Variants in OR51G2 observed in about 807,000 individuals in gnomAD.
OR51G2 encodes olfactory receptor family 51 subfamily G member 2.
In OR51G2, 13 loss-of-function variants were observed where a neutral mutation model predicts 11.8. The observed-to-expected ratio is 1.10, with a 90% CI of 0.72 to 1.76. OR51G2 has a LOEUF of 1.76. Among genes scored for constraint, OR51G2 ranks in the 40% most tolerant of loss-of-function variants. The pLI is 0.00. For missense variants in OR51G2, 474 were observed against 394.4 expected (o/e 1.20, Z -1.71); for synonymous variants, 178 against 151.9 (o/e 1.17, Z -1.26).
chr11:4,912,977 A>C lies in OR51G2; in HGVS notation c.*1742T>G, dbSNP rs1851014831. ...AAAAAAAACAAGCTGTAACTATTCA[A>C]ATTACTATAACTCACAAGTCAGCCT... On this transcript the variant is annotated 3_prime_UTR_variant, in exon 2 of 2. Transcript: ENST00000641926. 1 of 152,204 alleles carries C rather than the reference A, an allele frequency of 6.6e-6. No individual in the cohort carries two copies. The highest frequency in any genetic ancestry group is 2.1e-4 in the South Asian group (1 of 4,832). 9.4% of individuals were successfully genotyped at this position (152,204 alleles called of 1,614,324 possible).
chr11:4,914,481 G>A lies in OR51G2; in HGVS notation c.*238C>T. On this transcript the variant is annotated 3_prime_UTR_variant, in exon 2 of 2. Transcript: ENST00000641926. ...TAGCAAGTTCCTGGAAGAGCATGTG[G>A]GTTTAGAATTATTGCTGTGGCTATT... 2.1e-6 allele frequency: 1 copy of A among 474,500 alleles called. No individual in the cohort carries two copies. Among genetic ancestry groups the A allele is most frequent in the Non-Finnish European group, 3.8e-6 (1 of 265,742 alleles). The allele number at this position is 474,500 out of a possible 1,614,324, so 29.4% of individuals were successfully genotyped here. A position where few individuals can be genotyped will look rare whatever the true frequency, so the allele number is the denominator to read the frequency against.
At position 4,912,616 on chromosome 11, in the gene OR51G2, A is replaced by G. The variant is rs1231725206; in HGVS notation, c.*2103T>C. Reference sequence around the variant, plus strand: ...TTTTGCATGTTAATACACACAATTCACATATACACATTGTAAAAATAAGAA... The same window carrying G: ...TTTTGCATGTTAATACACACAATTCGCATATACACATTGTAAAAATAAGAA... On this transcript the variant is annotated 3_prime_UTR_variant, in exon 2 of 2. Transcript: ENST00000641926. The G allele has an allele frequency of 6.6e-6, 1 of 152,200 alleles. No individual in the cohort carries two copies. The allele number at this position is 152,200 out of a possible 1,614,324, so 9.4% of individuals were successfully genotyped here.
chr11:4,914,320 T>G lies in OR51G2; in HGVS notation c.*399A>C. 6.1e-6 allele frequency: 1 copy of G among 165,136 alleles called. No individual in the cohort carries two copies. The highest frequency in any genetic ancestry group is 1.3e-5 in the Non-Finnish European group (1 of 75,886). The allele number at this position is 165,136 out of a possible 1,614,324, so 10.2% of individuals were successfully genotyped here. On this transcript the variant is annotated 3_prime_UTR_variant, in exon 2 of 2. Transcript: ENST00000641926. ...CGTTGAGTGAAACAGACAGAAACAG[T>G]GGTGGAATGGAGGTGGAAGAGAGAG...
intron 1 of OR51G2, among the ~76,000 whole-genome samples, chr11:4,917,990 G>A (rs568143618): frequency 6.6e-6 from 1 of 150,664 alleles, no homozygotes; most frequent in Non-Finnish European, 1.5e-5. Flanking sequence ...AAATGAAATA[G>A]GATGGTGAAG....
Position 4,913,122 on chromosome 11 carries a change from T to C in OR51G2, c.*1597A>G, listed in dbSNP as rs1458500834. On this transcript the variant is annotated 3_prime_UTR_variant, in exon 2 of 2. Transcript: ENST00000641926. ...TCCTTCGGGGTCTGTGTTACTCAAA[T>C]GGTCATTCTCAACTTTGTGGCTAAA... The C allele has an allele frequency of 6.6e-6, 1 of 152,226 alleles. No homozygotes were observed. The highest frequency in any genetic ancestry group is 2.4e-5 in the African/African-American group (1 of 41,462). The allele number at this position is 152,226 out of a possible 1,614,324, so 9.4% of individuals were successfully genotyped here. A position where few individuals can be genotyped will look rare whatever the true frequency, so the allele number is the denominator to read the frequency against.
intron 1 of OR51G2, among the ~76,000 whole-genome samples, chr11:4,915,964 T>C (rs938589893): frequency 6.6e-6 from 1 of 152,180 alleles, no homozygotes; most frequent in Non-Finnish European, 1.5e-5. Flanking sequence ...TGCTCTTTTC[T>C]GACTTCTGTA....
chr11:4,915,386 C>G lies in OR51G2; in HGVS notation c.278G>C (p.Gly93Ala), dbSNP rs769587652. 1.9e-6 allele frequency: 3 copies of G among 1,613,884 alleles called. No homozygotes were observed. Among genetic ancestry groups the G allele is most frequent in the African/African-American group, 1.3e-5 (1 of 74,912 alleles). Residue 93 changes from glycine (G) to alanine (A), a missense_variant, in exon 2 of 2, where the codon GGA becomes GCA. Transcript: ENST00000641926. ...LPTVLGIFWVGAREISHDACF... is the reference protein window; with the variant it reads ...LPTVLGIFWVAAREISHDACF... ...GGCATCATGGCTAATTTCTCGTGCT[C>G]CAACCCAAAAGATGCCCAGGACTGT...
intron 1 of OR51G2, among the ~76,000 whole-genome samples, chr11:4,917,503 C>T (rs2133577327): frequency 6.6e-6 from 1 of 152,252 alleles, no homozygotes; most frequent in South Asian, 2.1e-4. Flanking sequence ...ATTGGAGAAA[C>T]ACACATAAAG....
In OR51G2 at chr11:4,913,863, A is replaced by G. The variant is rs1393066734; in HGVS notation, c.*856T>C. 1.3e-5 allele frequency: 2 copies of G among 152,014 alleles called. No homozygotes were observed. Among genetic ancestry groups the G allele is most frequent in the East Asian group, 3.9e-4 (2 of 5,172 alleles). 9.4% of individuals were successfully genotyped at this position (152,014 alleles called of 1,614,324 possible). ...CAGTTTTTGACTGCCTAATGCCTACATTTCCCTTAAGGCTATTACTGTGTC... is the reference window on the plus strand; with the variant it reads ...CAGTTTTTGACTGCCTAATGCCTACGTTTCCCTTAAGGCTATTACTGTGTC... On this transcript the variant is annotated 3_prime_UTR_variant, in exon 2 of 2. Coordinates refer to ENST00000641926, the MANE Select transcript of OR51G2 (RefSeq NM_001005238.2).
intron 1 of OR51G2, among the ~76,000 whole-genome samples, chr11:4,918,316 A>G (rs1851129260): frequency 6.6e-6 from 1 of 152,130 alleles, no homozygotes; most frequent in South Asian, 2.1e-4. Context: ...TGGAGGTTAA[A>G]TTAGAAAGAT....
Position 4,914,927 on chromosome 11 carries a change from C to G in OR51G2, c.737G>C (p.Cys246Ser). ...RAERFKALNT[C>S]VSHICAVLLF... ...CAGCACAGCACAGATGTGGGAAACA[C>G]AGGTGTTAAGGGCCTTGAATCTCTC... The change falls in exon 2 of 2, where the codon TGT (cysteine) becomes TCT (serine). Residue 246 changes from cysteine to serine, a missense_variant. Physicochemically the swap from Cys to Ser is moderately radical, Grantham distance 112 (BLOSUM62 -1). Transcript: ENST00000641926. 6.2e-7 allele frequency: 1 copy of G among 1,614,084 alleles called. No homozygotes were observed. Among genetic ancestry groups the G allele is most frequent in the Non-Finnish European group, 8.5e-7 (1 of 1,179,998 alleles).
chr11:4,915,459 A>C lies in OR51G2; in HGVS notation c.205T>G (p.Ser69Ala). 6.2e-7 allele frequency: 1 copy of C among 1,614,158 alleles called. No homozygotes were observed. The highest frequency in any genetic ancestry group is 8.5e-7 in the Non-Finnish European group (1 of 1,180,018). The part of the protein sequence containing the change: ...SLHEPMYLFL[S>A]MLALIDLGLS... ...CCCAGGTCAATCAGAGCCAGCATGG[A>C]CAGGAAGAGATACATAGGTTCATGA... Residue 69 changes from serine (S) to alanine (A), a missense_variant, in exon 2 of 2, where the codon TCC (serine) becomes GCC (alanine). Physicochemically the swap from Ser to Ala is moderately conservative, Grantham distance 99. Transcript: ENST00000641926.
chr11:4,915,957 T>G (rs1335784759), intron 1 of OR51G2, among the ~76,000 whole-genome samples: 1 of 152,168 alleles, frequency 6.6e-6, no homozygotes, highest in Non-Finnish European at 1.5e-5. Context: ...CCCTTTTTGC[T>G]CTTTTCTGAC....
In OR51G2 at chr11:4,914,716, C is replaced by G. The variant is rs768453682; in HGVS notation, c.*3G>C. The G allele has an allele frequency of 1.9e-6, 3 of 1,599,876 alleles. No individual in the cohort carries two copies. The highest frequency in any genetic ancestry group is 2.7e-5 in the African/African-American group (2 of 74,612). Reference sequence around the variant, plus strand: ...GAGACAGTGGCTCTAACACTAGACACAGTTAGTAACAAAAGGCATGCGTCA... The same window carrying G: ...GAGACAGTGGCTCTAACACTAGACAGAGTTAGTAACAAAAGGCATGCGTCA... On this transcript the variant is annotated 3_prime_UTR_variant, in exon 2 of 2. Coordinates refer to ENST00000641926, the MANE Select transcript of OR51G2 (RefSeq NM_001005238.2).
rs2133573081 is a variant in OR51G2, at chr11:4,914,528, C to T, written c.*191G>A. The T allele has an allele frequency of 3.8e-6, 2 of 522,382 alleles. No homozygotes were observed. Among genetic ancestry groups the T allele is most frequent in the East Asian group, 5.9e-5 (2 of 33,878 alleles). The allele number at this position is 522,382 out of a possible 1,614,324, so 32.4% of individuals were successfully genotyped here. On this transcript the variant is annotated 3_prime_UTR_variant, in exon 2 of 2. Coordinates refer to ENST00000641926, the MANE Select transcript of OR51G2 (RefSeq NM_001005238.2). Reference sequence around the variant, plus strand: ...TATTTTTAGAAAATAAAATTTACCACATCATATTACATTTTACCCCCCCCT... The same window carrying T: ...TATTTTTAGAAAATAAAATTTACCATATCATATTACATTTTACCCCCCCCT...
intron 1 of OR51G2, among the ~76,000 whole-genome samples, chr11:4,916,710 A>G (rs748612298): frequency 6.6e-6 from 1 of 152,184 alleles, no homozygotes; most frequent in Non-Finnish European, 1.5e-5. Flanking sequence ...AGAGTATGTG[A>G]ATGATGACCT....
Position 4,913,870 on chromosome 11 carries a change from T to G in OR51G2, c.*849A>C, listed in dbSNP as rs1851030543. 6.6e-6 allele frequency: 1 copy of G among 152,170 alleles called. No individual in the cohort carries two copies. Among genetic ancestry groups the G allele is most frequent in the Non-Finnish European group, 1.5e-5 (1 of 68,030 alleles). 9.4% of individuals were successfully genotyped at this position (152,170 alleles called of 1,614,324 possible). A position where few individuals can be genotyped will look rare whatever the true frequency, so the allele number is the denominator to read the frequency against. On this transcript the variant is annotated 3_prime_UTR_variant, in exon 2 of 2. Transcript: ENST00000641926. ...TGACTGCCTAATGCCTACATTTCCC[T>G]TAAGGCTATTACTGTGTCAACTCAG...
chr11:4,917,522 A>G (rs1424707033), intron 1 of OR51G2, among the ~76,000 whole-genome samples: 2 of 152,214 alleles, frequency 1.3e-5, no homozygotes, highest in African/African-American at 4.8e-5. Context: ...AGATATACAC[A>G]GACACTTTCT....
In OR51G2 at chr11:4,913,387, A is replaced by G. The variant is rs1851021990; in HGVS notation, c.*1332T>C. On this transcript the variant is annotated 3_prime_UTR_variant, in exon 2 of 2. Coordinates refer to ENST00000641926, the MANE Select transcript of OR51G2 (RefSeq NM_001005238.2). ...TTGTGTTCAGCCACACCCTTTCTTAATCTGCACTAAAACCATGCAGGAACA... is the reference window on the plus strand; with the variant it reads ...TTGTGTTCAGCCACACCCTTTCTTAGTCTGCACTAAAACCATGCAGGAACA... 1 of 152,148 alleles carries G rather than the reference A, an allele frequency of 6.6e-6. No individual in the cohort carries two copies. The highest frequency in any genetic ancestry group is 6.5e-5 in the Admixed American group (1 of 15,272). 9.4% of individuals were successfully genotyped at this position (152,148 alleles called of 1,614,324 possible). A position where few individuals can be genotyped will look rare whatever the true frequency, so the allele number is the denominator to read the frequency against.
Sources: gnomAD v4.1 joint callset for allele counts (sites outside exome capture counted in the v4.1 genomes callset) on GRCh38, gnomAD v4.1.1 for gene constraint, MANE v1.5 for transcripts, NCBI Gene and HGNC (gene_info 2026-07-23, HGNC 2026-07-21) for gene names.